ABL2: variants seen among roughly 807,000 people sequenced by gnomAD.
The protein encoded by ABL2 is tyrosine-protein kinase ABL2.
ABL2 carries 49 observed loss-of-function variants against 107.7 expected under a neutral mutation model. The observed-to-expected ratio is 0.45, with a 90% CI of 0.36 to 0.58. The LOEUF (loss-of-function observed/expected upper bound fraction) is 0.58, where lower values mean the gene tolerates loss of function less well. Among genes scored for constraint, ABL2 ranks in the 20% least tolerant of loss-of-function variants. The probability of loss-of-function intolerance (pLI) is 0.00; values close to 1 mark genes in which losing one functional copy is unlikely to be tolerated. For synonymous variants in ABL2, 549 were observed against 548.6 expected, an observed-to-expected ratio of 1.00 and a Z score of -0.01; for missense variants, 1,245 against 1,457.0, an observed-to-expected ratio of 0.85 and a Z score of 2.37.
At chr1:179,115,785 G>A (rs1003973625) in intron 8 of ABL2, among the ~76,000 whole-genome samples, 1 of 152,018 alleles carries the variant, frequency 6.6e-6, no homozygotes, top group African/African-American at 2.4e-5. Context: ...AAATAAAAAT[G>A]GATTCATTTA....
chr1:179,172,871 C>A (rs1409325778), intron 1 of ABL2, among the ~76,000 whole-genome samples: 1 of 152,088 alleles, frequency 6.6e-6, no homozygotes, highest in Admixed American at 6.6e-5. Context: ...ATACAGTAAG[C>A]CCTGAGTATT....
At chr1:179,123,581 T>G (rs1453998397) in intron 4 of ABL2, among the ~76,000 whole-genome samples, 1 of 152,154 alleles carries the variant, frequency 6.6e-6, no homozygotes, top group Non-Finnish European at 1.5e-5. Flanking sequence ...CAATAAGAAA[T>G]GTAAAGTAAG....
chr1:179,184,548 T>C lies in ABL2; in HGVS notation c.157+44693A>G, dbSNP rs1462845154. ...ACAGTACTACTTGGTTACCGACTGA[T>C]ATGGATGAAGAAGGAGGAGAAGATG... On this transcript the variant is annotated intron_variant, in intron 1 of 11. Transcript: ENST00000502732. 11 of 574,872 alleles carry C rather than the reference T, an allele frequency of 1.9e-5. No homozygotes were observed. The East Asian group carries it at 2.8e-4, about 15-fold the overall frequency. 35.6% of individuals were successfully genotyped at this position (574,872 alleles called of 1,614,324 possible). A position where few individuals can be genotyped will look rare whatever the true frequency, so the allele number is the denominator to read the frequency against.
At chr1:179,197,521 T>C (rs1257086878) in intron 1 of ABL2, among the ~76,000 whole-genome samples, 1 of 145,762 alleles carries the variant, frequency 6.9e-6, no homozygotes, top group African/African-American at 2.5e-5. Context: ...CCAGGGAGGG[T>C]GTCTGATTTT....
At chr1:179,176,151 G>C (rs1660033641) in intron 1 of ABL2, among the ~76,000 whole-genome samples, 1 of 151,900 alleles carries the variant, frequency 6.6e-6, no homozygotes, top group South Asian at 2.1e-4. Context: ...CACCATACCT[G>C]GCCAAGTAGA....
chr1:179,148,587 C>T (rs1206005840), intron 1 of ABL2, among the ~76,000 whole-genome samples: 1 of 152,104 alleles, frequency 6.6e-6, no homozygotes, highest in Non-Finnish European at 1.5e-5. Flanking sequence ...CAAGCCTATT[C>T]CTTGAGACAC....
At position 179,103,719 on chromosome 1, in the gene ABL2, C is replaced by A. The variant is rs759517355; in HGVS notation, c.*3999G>T. On this transcript the variant is annotated 3_prime_UTR_variant, in exon 12 of 12. Coordinates refer to ENST00000502732, the MANE Select transcript of ABL2 (RefSeq NM_007314.4). Reference sequence around the variant, plus strand: ...GCTTTAGAAAGTGTGCAGCACCACACAGGCTGATTGTCGGTCTGAGCCACT... The same window carrying A: ...GCTTTAGAAAGTGTGCAGCACCACAAAGGCTGATTGTCGGTCTGAGCCACT... The A allele has an allele frequency of 4.4e-6, 1 of 228,076 alleles. No individual in the cohort carries two copies. Among genetic ancestry groups the A allele is most frequent in the African/African-American group, 2.2e-5 (1 of 45,056 alleles). 14.1% of individuals were successfully genotyped at this position (228,076 alleles called of 1,614,324 possible).
intron 1 of ABL2, among the ~76,000 whole-genome samples, chr1:179,222,437 G>T (rs983506665): frequency 1.3e-5 from 2 of 151,270 alleles, no homozygotes; most frequent in African/African-American, 4.9e-5. Context: ...GTTGCCCAGG[G>T]TGGAGTACAG....
rs1036138771 is a variant in ABL2, at chr1:179,103,379, A to C, written c.*4339T>G. 5 of 204,700 alleles carry C rather than the reference A, an allele frequency of 2.4e-5. No individual in the cohort carries two copies. Among genetic ancestry groups the C allele is most frequent in the Non-Finnish European group, 5.0e-5 (5 of 100,178 alleles). The allele number at this position is 204,700 out of a possible 1,614,324, so 12.7% of individuals were successfully genotyped here. A position where few individuals can be genotyped will look rare whatever the true frequency, so the allele number is the denominator to read the frequency against. ...CTGTCTTATCTTTTAAACAGACAAT[A>C]CTACAACCTTATAGTTATATTACAG... On this transcript the variant is annotated 3_prime_UTR_variant, in exon 12 of 12. Coordinates refer to ENST00000502732, the MANE Select transcript of ABL2 (RefSeq NM_007314.4).
At chr1:179,147,287 T>C (rs1274534598) in intron 1 of ABL2, among the ~76,000 whole-genome samples, 1 of 148,084 alleles carries the variant, frequency 6.8e-6, no homozygotes, top group Admixed American at 6.8e-5. Context: ...GCACAACCTC[T>C]ACGAAAAACA....
At chr1:179,129,481 G>A (rs1656067458) in intron 3 of ABL2, among the ~76,000 whole-genome samples, 1 of 152,108 alleles carries the variant, frequency 6.6e-6, no homozygotes, top group Non-Finnish European at 1.5e-5. Context: ...AGGAGTTCGA[G>A]GCCATCCTGA....
intron 5 of ABL2, among the ~76,000 whole-genome samples, chr1:179,120,898 C>T (rs1655127502): frequency 6.6e-6 from 1 of 152,120 alleles, no homozygotes; most frequent in Non-Finnish European, 1.5e-5. Context: ...CTTTGAATGA[C>T]GAGACAGAGC....
intron 8 of ABL2, chr1:179,117,089 C>T (rs1011871067): frequency 2.8e-5 from 14 of 492,266 alleles, no homozygotes; most frequent in African/African-American, 7.7e-5. Flanking sequence ...CCACCCATCT[C>T]GGCCCAAAGT....
In ABL2 at chr1:179,109,034, A is replaced by G; in HGVS notation, c.2233T>C (p.Trp745Arg). ...GGGSGTAGGG[W>R]SGITGFFTPR... ...GTAAAGAAGCCTGTGATGCCAGACC[A>G]CCCACCCCCAGCAGTGCCACTGCCC... The change falls in exon 12 of 12, where the codon TGG becomes CGG. Residue 745 changes from tryptophan to arginine, a missense_variant. By Grantham distance (101) the Trp-to-Arg change is moderately radical (BLOSUM62 -3). This residue lies in a region of ABL2 where 761 missense variants were observed against 766.4 expected (regional missense o/e 0.99). Coordinates refer to ENST00000502732, the MANE Select transcript of ABL2 (RefSeq NM_007314.4). The G allele has an allele frequency of 3.2e-5, 46 of 1,430,296 alleles. No homozygotes were observed. Among genetic ancestry groups the G allele is most frequent in the Non-Finnish European group, 4.1e-5 (43 of 1,046,048 alleles). 88.6% of individuals were successfully genotyped at this position (1,430,296 alleles called of 1,614,324 possible).
In ABL2 at chr1:179,107,618, G is replaced by C; in HGVS notation, c.*100C>G. 6.6e-7 allele frequency: 1 copy of C among 1,512,588 alleles called. No individual in the cohort carries two copies. Among genetic ancestry groups the C allele is most frequent in the South Asian group, 1.4e-5 (1 of 73,812 alleles). The allele number at this position is 1,512,588 out of a possible 1,614,324, so 93.7% of individuals were successfully genotyped here. ...AGGTACTTCACATAAACACACTCAA[G>C]TATGAGTCTTTCATTTTCTGAAAAC... On this transcript the variant is annotated 3_prime_UTR_variant, in exon 12 of 12. Transcript: ENST00000502732.
At chr1:179,174,781 G>C (rs1659937921) in intron 1 of ABL2, among the ~76,000 whole-genome samples, 1 of 151,156 alleles carries the variant, frequency 6.6e-6, no homozygotes, top group African/African-American at 2.4e-5. Context: ...TGTAATCCCA[G>C]GTACTCAGAA....
At chr1:179,201,845 C>A in intron 1 of ABL2, 1 of 1,278,304 alleles carries the variant, frequency 7.8e-7, no homozygotes. Flanking sequence ...CAGAAGAAGA[C>A]AAAAGGACTC....
Position 179,167,274 on chromosome 1 carries a change from C to CTGG in ABL2, c.158-33901_158-33900insCCA, listed in dbSNP as rs1183801638. Among the ~76,000 whole-genome samples, 8 of 152,258 alleles carry CTGG rather than the reference C, an allele frequency of 5.3e-5. 1 individual carries two copies. In the South Asian group the frequency reaches 1.7e-3, roughly 32 times the overall value. On this transcript the variant is annotated intron_variant, in intron 1 of 11. Transcript: ENST00000502732. ...GTCATCTGCAGCAACACGGATGGAACTGAGGGTCATTATGTTAAGTGAAAT... is the reference window on the plus strand; with the variant it reads ...GTCATCTGCAGCAACACGGATGGAACTGGTGAGGGTCATTATGTTAAGTGAAAT...
intron 1 of ABL2, among the ~76,000 whole-genome samples, chr1:179,194,937 T>C (rs1443795118): frequency 1.3e-5 from 2 of 151,988 alleles, no homozygotes; most frequent in African/African-American, 4.8e-5. Context: ...AAATAGCCAA[T>C]AAACACTTGT....
Sources: gnomAD v4.1 joint callset for allele counts (sites outside exome capture counted in the v4.1 genomes callset) on GRCh38, gnomAD v4.1.1 for gene constraint, gnomAD v4.1.1 regional missense constraint, MANE v1.5 for transcripts, NCBI Gene and HGNC (gene_info 2026-07-23, HGNC 2026-07-21) for gene names.